Variants in DYNC1I1 observed in about 807,000 individuals in gnomAD.
The protein encoded by DYNC1I1 is cytoplasmic dynein 1 intermediate chain 1.
A neutral mutation model predicts 86.6 loss-of-function variants in DYNC1I1; 43 were observed. That is an observed-to-expected ratio of 0.50 (90% CI 0.39 to 0.64). The LOEUF is 0.64. DYNC1I1 is among the 30% of genes least tolerant of loss of function. The pLI is 0.00. For synonymous variants in DYNC1I1, 262 were observed against 283.7 expected (o/e 0.92, Z 0.77); for missense variants, 604 against 788.8 (o/e 0.77, Z 2.81).
Position 95,870,392 on chromosome 7 carries a change from C to A in DYNC1I1, c.490+394C>A, listed in dbSNP as rs1790131950. Among the ~76,000 whole-genome samples, 2 of 151,762 alleles carry A rather than the reference C, an allele frequency of 1.3e-5. 1 individual carries two copies. Among genetic ancestry groups the A allele is most frequent in the Non-Finnish European group, 2.9e-5 (2 of 67,922 alleles). ...GGCTTAGCAAACTATAGCCCACCCA[C>A]CTGTTCCTAGAAATAAGGTGTTGTT... On this transcript the variant is annotated intron_variant, in intron 6 of 16. Transcript: ENST00000447467.
At chr7:96,055,037 G>T (rs2116130844) in intron 14 of DYNC1I1, among the ~76,000 whole-genome samples, 1 of 152,256 alleles carries the variant, frequency 6.6e-6, no homozygotes, top group East Asian at 1.9e-4. Flanking sequence ...TGAAGCCTTT[G>T]CCCATGCCTG....
At chr7:95,986,088 G>A (rs1028475112) in intron 8 of DYNC1I1, among the ~76,000 whole-genome samples, 26 of 141,714 alleles carry the variant, frequency 1.8e-4, no homozygotes, top group Middle Eastern at 7.4e-3. Flanking sequence ...CAATGGCGGA[G>A]CTGAGGAAGG....
chr7:95,859,016 T>G (rs180693068), intron 5 of DYNC1I1, among the ~76,000 whole-genome samples: 51 of 147,678 alleles, frequency 3.5e-4, no homozygotes, highest in Non-Finnish European at 1.8e-4. Context: ...TTAATATATT[T>G]ATTATATTTC....
At chr7:95,985,090 T>C in intron 8 of DYNC1I1, 113 bp downstream of exon 8, 2 of 1,442,358 alleles carry the variant, frequency 1.4e-6, no homozygotes, top group Non-Finnish European at 1.9e-6. Context: ...GAGGGTGAAA[T>C]TTTGGAATTG....
At chr7:95,917,317 G>T (rs1434747414) in intron 6 of DYNC1I1, among the ~76,000 whole-genome samples, 4 of 152,148 alleles carry the variant, frequency 2.6e-5, no homozygotes, top group African/African-American at 9.7e-5. Flanking sequence ...GGCAGGCAGT[G>T]CTGAGAGGTG....
chr7:96,035,813 T>G (rs537165712), intron 13 of DYNC1I1, 61 bp downstream of exon 13: 3 of 1,589,780 alleles, frequency 1.9e-6, no homozygotes, highest in East Asian at 4.5e-5. Context: ...TGTTATCACA[T>G]TCTGGATTTT....
At chr7:95,956,540 C>A (rs796655914) in intron 6 of DYNC1I1, among the ~76,000 whole-genome samples, 8 of 152,134 alleles carry the variant, frequency 5.3e-5, no homozygotes, top group African/African-American at 1.7e-4. Context: ...TCTTGCCCCC[C>A]ACCCCCGACA....
At chr7:95,787,108 C>G (rs569936734) in intron 1 of DYNC1I1, among the ~76,000 whole-genome samples, 1 of 152,312 alleles carries the variant, frequency 6.6e-6, no homozygotes, top group South Asian at 2.1e-4. Context: ...GATGGGTAAA[C>G]ATGCAACCCA....
chr7:95,857,222 A>C (rs971329865), intron 5 of DYNC1I1, among the ~76,000 whole-genome samples: 1 of 152,162 alleles, frequency 6.6e-6, no homozygotes, highest in East Asian at 1.9e-4. Flanking sequence ...TGCCTCCTTT[A>C]GTTGCAGCAA....
At chr7:95,914,789 C>T (rs1791425516) in intron 6 of DYNC1I1, among the ~76,000 whole-genome samples, 1 of 152,156 alleles carries the variant, frequency 6.6e-6, no homozygotes, top group Non-Finnish European at 1.5e-5. Flanking sequence ...TGAATTCTCC[C>T]GGCTGGGTGC....
chr7:95,894,467 G>T (rs372359050), intron 6 of DYNC1I1, among the ~76,000 whole-genome samples: 5 of 146,470 alleles, frequency 3.4e-5, no homozygotes, highest in Non-Finnish European at 4.5e-5. Context: ...TTGGGGGGGG[G>T]ACATAAACAT....
intron 2 of DYNC1I1, among the ~76,000 whole-genome samples, chr7:95,807,349 T>A (rs2115810689): frequency 6.6e-6 from 1 of 152,138 alleles, no homozygotes; most frequent in East Asian, 1.9e-4. Context: ...CCCCTTTATC[T>A]CCAATCACGT....
At chr7:96,044,937 C>A (rs889064879) in intron 14 of DYNC1I1, among the ~76,000 whole-genome samples, 1 of 151,948 alleles carries the variant, frequency 6.6e-6, no homozygotes, top group Non-Finnish European at 1.5e-5. Context: ...TGATTTCCTC[C>A]AAGAAAGGGC....
chr7:95,894,565 T>G (rs1790828255), intron 6 of DYNC1I1, among the ~76,000 whole-genome samples: 1 of 152,330 alleles, frequency 6.6e-6, no homozygotes, highest in Non-Finnish European at 1.5e-5. Flanking sequence ...TCTTCATAGA[T>G]TCTTCTAGTT....
intron 4 of DYNC1I1, among the ~76,000 whole-genome samples, chr7:95,823,391 C>T (rs1298189765): frequency 1.3e-5 from 2 of 152,162 alleles, no homozygotes; most frequent in Non-Finnish European, 2.9e-5. Flanking sequence ...AATCACCATT[C>T]TTAATCTGTC....
At chr7:95,865,651 C>T (rs1386422925) in intron 5 of DYNC1I1, among the ~76,000 whole-genome samples, 1 of 152,190 alleles carries the variant, frequency 6.6e-6, no homozygotes, top group East Asian at 1.9e-4. Flanking sequence ...GATTATAATA[C>T]TGTATACTTA....
intron 4 of DYNC1I1, among the ~76,000 whole-genome samples, chr7:95,817,875 C>T (rs1327926063): frequency 6.6e-6 from 1 of 152,172 alleles, no homozygotes. Flanking sequence ...GGACTTTTCT[C>T]ATGTTTAGTT....
At chr7:95,899,896 T>C (rs1306246376) in intron 6 of DYNC1I1, among the ~76,000 whole-genome samples, 3 of 152,208 alleles carry the variant, frequency 2.0e-5, no homozygotes, top group African/African-American at 7.2e-5. Context: ...TATGTATCTC[T>C]TTTGCCTTCT....
intron 4 of DYNC1I1, among the ~76,000 whole-genome samples, chr7:95,823,363 G>A (rs944472092): frequency 5.9e-5 from 9 of 152,124 alleles, no homozygotes; most frequent in African/African-American, 2.2e-4. Flanking sequence ...CAAACACTAA[G>A]TGAAGGGAAA....
Sources: gnomAD v4.1 joint callset for allele counts (sites outside exome capture counted in the v4.1 genomes callset) on GRCh38, gnomAD v4.1.1 for gene constraint, MANE v1.5 for transcripts, NCBI Gene and HGNC (gene_info 2026-07-23, HGNC 2026-07-21) for gene names.